RAD54L2: variants seen among roughly 807,000 people sequenced by gnomAD.
RAD54L2 encodes helicase ARIP4.
RAD54L2 carries 27 observed loss-of-function variants against 138.4 expected under a neutral mutation model. The ratio of observed to expected loss-of-function variants is 0.20; its 90% CI spans 0.14 to 0.27. The LOEUF is 0.27. Ranked by LOEUF, RAD54L2 falls within the 10% of genes least tolerant of loss-of-function variation. The pLI is 1.00. For synonymous variants in RAD54L2, 644 were observed against 723.2 expected (o/e 0.89, Z 1.76); for missense variants, 1,396 against 1,890.2 (o/e 0.74, Z 4.85).
At chr3:51,648,806 A>G (rs1383058614) in intron 19 of RAD54L2, among the ~76,000 whole-genome samples, 2 of 152,220 alleles carry the variant, frequency 1.3e-5, no homozygotes, top group African/African-American at 2.4e-5. Context: ...GGTCACCATC[A>G]TCAAAGACCA....
At chr3:51,615,418 G>T (rs1700423324) in intron 3 of RAD54L2, among the ~76,000 whole-genome samples, 1 of 152,160 alleles carries the variant, frequency 6.6e-6, no homozygotes, top group Non-Finnish European at 1.5e-5. Flanking sequence ...TGTGGTTGTG[G>T]ATGATAAATA....
intron 3 of RAD54L2, among the ~76,000 whole-genome samples, chr3:51,624,899 C>G (rs907114037): frequency 6.6e-6 from 1 of 152,148 alleles, no homozygotes; most frequent in Non-Finnish European, 1.5e-5. Flanking sequence ...TTCCCTGATT[C>G]AGCCAGTGAG....
chr3:51,592,360 G>A (rs1207449225), intron 3 of RAD54L2, among the ~76,000 whole-genome samples: 2 of 151,416 alleles, frequency 1.3e-5, no homozygotes, highest in Admixed American at 1.3e-4. Flanking sequence ...CACCATGCCC[G>A]GCCTTAAATA....
At chr3:51,622,293 C>G (rs1391349856) in intron 3 of RAD54L2, among the ~76,000 whole-genome samples, 1 of 152,128 alleles carries the variant, frequency 6.6e-6, no homozygotes, top group Non-Finnish European at 1.5e-5. Context: ...GTCCATGAAC[C>G]AAGGCTCACA....
chr3:51,561,385 A>G (rs925463382), intron 2 of RAD54L2, among the ~76,000 whole-genome samples: 1 of 152,062 alleles, frequency 6.6e-6, no homozygotes, highest in Non-Finnish European at 1.5e-5. Flanking sequence ...AGCTGGGATA[A>G]CAGGCATGTG....
chr3:51,557,451 G>A (rs1698998152), intron 2 of RAD54L2, among the ~76,000 whole-genome samples: 1 of 151,842 alleles, frequency 6.6e-6, no homozygotes, highest in African/African-American at 2.4e-5. Flanking sequence ...CCAAAGTGCT[G>A]GGATTAGAGG....
rs1366531649 is a variant in RAD54L2 at position 51,630,770 on chromosome 3, AGT to A, written c.666_667del (p.Ser222ArgfsTer3). ...LHIVDSSESV[S>X]EDDEEEEKGG... ...CATTGTGGACAGCAGTGAATCTGTC[AGT>A]GAAGATGATGAGGAAGAAGAGAAGG... On this transcript the variant is annotated frameshift_variant, in exon 7 of 23. Coordinates refer to ENST00000684192, the MANE Select transcript of RAD54L2 (RefSeq NM_015106.4). LOFTEE classifies it high-confidence loss of function. The A allele has an allele frequency of 6.2e-7, 1 of 1,613,916 alleles. No individual in the cohort carries two copies. The highest frequency in any genetic ancestry group is 8.5e-7 in the Non-Finnish European group (1 of 1,179,898).
intron 12 of RAD54L2, chr3:51,639,212 G>A (rs955798298): frequency 1.7e-6 from 1 of 587,830 alleles, no homozygotes; most frequent in Non-Finnish European, 3.0e-6. Context: ...TATGCATGCT[G>A]CCATTCATGT....
chr3:51,608,701 C>T (rs1577421824), intron 3 of RAD54L2, among the ~76,000 whole-genome samples: 1 of 152,234 alleles, frequency 6.6e-6, no homozygotes, highest in South Asian at 2.1e-4. Flanking sequence ...CGGCGCACGC[C>T]TGCAATCCCA....
intron 2 of RAD54L2, among the ~76,000 whole-genome samples, chr3:51,577,744 C>G (rs1168481654): frequency 1.3e-5 from 2 of 152,112 alleles, no homozygotes; most frequent in Non-Finnish European, 2.9e-5. Context: ...TGTGTCTCTG[C>G]TTTGGCTCAC....
At chr3:51,660,260 G>T in intron 22 of RAD54L2, 142 bp downstream of exon 22, 1 of 592,028 alleles carries the variant, frequency 1.7e-6, no homozygotes, top group Non-Finnish European at 2.9e-6. Context: ...AAAGTGAAAA[G>T]TAAGTATTTT....
At chr3:51,642,054 G>T (rs887311517) in intron 15 of RAD54L2, among the ~76,000 whole-genome samples, 187 bp downstream of exon 15, 2 of 152,220 alleles carry the variant, frequency 1.3e-5, no homozygotes, top group African/African-American at 2.4e-5. Context: ...CTGGGGGATT[G>T]AGAGAGTTGG....
intron 2 of RAD54L2, among the ~76,000 whole-genome samples, chr3:51,547,593 T>TA (rs1698728803): frequency 2.6e-5 from 4 of 150,950 alleles, no homozygotes; most frequent in African/African-American, 4.9e-5. Context: ...TTTTTTTTTT[T>TA]ACATTTGAGA....
chr3:51,609,281 A>AG (rs1406196160), intron 3 of RAD54L2, among the ~76,000 whole-genome samples: 2 of 152,230 alleles, frequency 1.3e-5, no homozygotes, highest in African/African-American at 4.8e-5. Flanking sequence ...CTAACGAGAT[A>AG]GGTCAGGAGG....
intron 2 of RAD54L2, among the ~76,000 whole-genome samples, chr3:51,564,874 G>A (rs369087217): frequency 1.3e-5 from 2 of 152,318 alleles, no homozygotes; most frequent in African/African-American, 4.8e-5. Flanking sequence ...AGCATGTAGT[G>A]CATGTTATTT....
chr3:51,564,516 T>TG (rs1430573546), intron 2 of RAD54L2, among the ~76,000 whole-genome samples: 10 of 152,226 alleles, frequency 6.6e-5, no homozygotes, highest in African/African-American at 1.9e-4. Flanking sequence ...GGGGAGCTCT[T>TG]GGGGTCTGCC....
intron 19 of RAD54L2, among the ~76,000 whole-genome samples, chr3:51,653,575 T>TA (rs1378031561): frequency 1.3e-5 from 2 of 152,196 alleles, no homozygotes; most frequent in Middle Eastern, 3.2e-3. Flanking sequence ...ATGTGGCACA[T>TA]ACACACCATG....
chr3:51,661,720 T>C (rs935155527), intron 22 of RAD54L2, among the ~76,000 whole-genome samples: 1 of 152,226 alleles, frequency 6.6e-6, no homozygotes, highest in Admixed American at 6.5e-5. Context: ...AATAGCACCA[T>C]GAGCACCCAT....
In RAD54L2 at chr3:51,633,769, T is replaced by G; in HGVS notation, c.1008+10T>G. The G allele has an allele frequency of 6.2e-7, 1 of 1,613,568 alleles. No homozygotes were observed. Among genetic ancestry groups the G allele is most frequent in the East Asian group, 2.2e-5 (1 of 44,870 alleles). On this transcript the variant is annotated intron_variant, in intron 8 of 22. Coordinates refer to ENST00000684192, the MANE Select transcript of RAD54L2 (RefSeq NM_015106.4). ...CCTTGCCATTGTGCCGGTAAGAGTT[T>G]TTGGGAAGGCACCACTTAAGTCACT...
Sources: gnomAD v4.1 joint callset for allele counts (sites outside exome capture counted in the v4.1 genomes callset) on GRCh38, gnomAD v4.1.1 for gene constraint, MANE v1.5 for transcripts, NCBI Gene and HGNC (gene_info 2026-07-23, HGNC 2026-07-21) for gene names.